The following LEPROTL1 variants were observed in gnomAD, a reference collection of about 807,000 sequenced individuals.
LEPROTL1 encodes leptin receptor overlapping transcript-like 1.
Under a neutral mutation model 15.4 loss-of-function variants are expected in LEPROTL1, and 6 were observed. That is an observed-to-expected ratio of 0.39 (90% CI 0.21 to 0.77). LEPROTL1 has a LOEUF of 0.77. LEPROTL1 is among the 30% of genes least tolerant of loss of function. The pLI is 0.41. For missense variants in LEPROTL1, 128 were observed against 158.1 expected, an observed-to-expected ratio of 0.81 and a Z score of 1.02; for synonymous variants, 56 against 52.6, an observed-to-expected ratio of 1.06 and a Z score of -0.28.
At position 30,104,519 on chromosome 8, in the gene LEPROTL1, A is replaced by T. The variant is rs747219376; in HGVS notation, c.279+33A>T. 2.4e-5 allele frequency: 34 copies of T among 1,435,020 alleles called. 1 individual carries two copies. In the South Asian group the frequency reaches 4.4e-4, roughly 19 times the overall value. 88.9% of individuals were successfully genotyped at this position (1,435,020 alleles called of 1,614,324 possible). On this transcript the variant is annotated intron_variant, in intron 3 of 3. Transcript: ENST00000321250. ...AATATATTCTTCCATTAATGATTTTATATTGAACATGTGTTACATTTTTCT... is the reference window on the plus strand; with the variant it reads ...AATATATTCTTCCATTAATGATTTTTTATTGAACATGTGTTACATTTTTCT...
intron 3 of LEPROTL1, among the ~76,000 whole-genome samples, chr8:30,121,036 C>T (rs970036798): frequency 2.6e-5 from 4 of 152,168 alleles, no homozygotes; most frequent in African/African-American, 9.6e-5. Context: ...AGTCTGACTC[C>T]TCTAGGTACC....
intron 3 of LEPROTL1, among the ~76,000 whole-genome samples, chr8:30,119,930 G>A (rs1802801900): frequency 6.6e-6 from 1 of 152,230 alleles, no homozygotes; most frequent in South Asian, 2.1e-4. Flanking sequence ...CTAGCAGAGC[G>A]TGGTGGCGTA....
At chr8:30,129,711 T>TCCCA in intron 3 of LEPROTL1, among the ~76,000 whole-genome samples, 1 of 128,300 alleles carries the variant, frequency 7.8e-6, no homozygotes. Flanking sequence ...TGAGACCCTG[T>TCCCA]CACACACACA....
At position 30,107,449 on chromosome 8, in the gene LEPROTL1, C is replaced by T. The variant is rs1995947; in HGVS notation, c.*1587C>T. The T allele has an allele frequency of 5.8e-3, 5,748 of 985,784 alleles. 211 individuals carry two copies. In the East Asian group the frequency reaches 0.14, roughly 24 times the overall value. 61.1% of individuals were successfully genotyped at this position (985,784 alleles called of 1,614,324 possible). ...AGCCAAAACTCAGTAATCATGACAG[C>T]TGTCTGTTGTTTTATGAAGTTTATT... On this transcript the variant is annotated 3_prime_UTR_variant, in exon 4 of 4. Coordinates refer to ENST00000321250, the MANE Select transcript of LEPROTL1 (RefSeq NM_015344.3).
At chr8:30,124,929 G>A (rs1246146281) in intron 3 of LEPROTL1, among the ~76,000 whole-genome samples, 2 of 152,128 alleles carry the variant, frequency 1.3e-5, no homozygotes, top group Non-Finnish European at 2.9e-5. Context: ...GCAAAGTTGT[G>A]GAAAGCATTC....
chr8:30,118,405 C>T (rs1217492646), intron 3 of LEPROTL1, among the ~76,000 whole-genome samples: 7 of 152,150 alleles, frequency 4.6e-5, no homozygotes, highest in Non-Finnish European at 8.8e-5. Context: ...TTTGCCAGGG[C>T]TGCAATAATA....
intron 3 of LEPROTL1, among the ~76,000 whole-genome samples, chr8:30,130,924 C>T (rs539622744): frequency 1.3e-4 from 19 of 151,518 alleles, no homozygotes; most frequent in Non-Finnish European, 2.1e-4. Flanking sequence ...GGACTATAGG[C>T]GCCCACCACC....
intron 3 of LEPROTL1, among the ~76,000 whole-genome samples, chr8:30,120,943 C>A (rs542170556): frequency 1.3e-5 from 2 of 152,296 alleles, no homozygotes; most frequent in East Asian, 1.9e-4. Flanking sequence ...ATCTCTAGAA[C>A]TTTTTCATCT....
rs1312716651 is a variant in LEPROTL1 at position 30,104,242 on chromosome 8, TTTGTGTGTAGGAAAATG to T, written c.93-57_93-41del. 54 of 1,046,834 alleles carry T rather than the reference TTTGTGTGTAGGAAAATG, an allele frequency of 5.2e-5. No individual in the cohort carries two copies. The African/African-American group carries it at 8.2e-4, about 16-fold the overall frequency. 64.8% of individuals were successfully genotyped at this position (1,046,834 alleles called of 1,614,324 possible). A position where few individuals can be genotyped will look rare whatever the true frequency, so the allele number is the denominator to read the frequency against. ...TCTTGATTTTTTAAAAAGACCATATTTTGTGTGTAGGAAAATGACATAGCAAAAATTACATTAACTTA... is the reference window on the plus strand; with the variant it reads ...TCTTGATTTTTTAAAAAGACCATATTACATAGCAAAAATTACATTAACTTA... On this transcript the variant is annotated intron_variant, in intron 2 of 3. Coordinates refer to ENST00000321250, the MANE Select transcript of LEPROTL1 (RefSeq NM_015344.3).
chr8:30,105,801 C>G lies in LEPROTL1; in HGVS notation c.335C>G (p.Thr112Ser). The G allele has an allele frequency of 6.3e-7, 1 of 1,581,536 alleles. No individual in the cohort carries two copies. The highest frequency in any genetic ancestry group is 8.6e-7 in the Non-Finnish European group (1 of 1,164,886). Reference sequence around the variant, plus strand: ...ACAGGAAACACAGTCATCTTTGCAACTATACTAGGCTTTTTCTTGGTCTTT... The same window carrying G: ...ACAGGAAACACAGTCATCTTTGCAAGTATACTAGGCTTTTTCTTGGTCTTT... ...VLTGNTVIFA[T>S]ILGFFLVFGS... The change falls in exon 4 of 4, where the codon ACT (threonine) becomes AGT (serine). Residue 112 changes from threonine (T) to serine (S), a missense_variant. Physicochemically the swap from Thr to Ser is moderately conservative, Grantham distance 58. Coordinates refer to ENST00000321250, the MANE Select transcript of LEPROTL1 (RefSeq NM_015344.3).
intron 2 of LEPROTL1, among the ~76,000 whole-genome samples, chr8:30,103,574 C>G (rs1181022440): frequency 6.6e-6 from 1 of 151,988 alleles, no homozygotes; most frequent in South Asian, 2.1e-4. Flanking sequence ...AACTCCATCT[C>G]CACTAAAAAT....
At chr8:30,096,817 T>C (rs758880844) in intron 1 of LEPROTL1, among the ~76,000 whole-genome samples, 1 of 152,252 alleles carries the variant, frequency 6.6e-6, no homozygotes, top group Non-Finnish European at 1.5e-5. Context: ...ACTTTTGATT[T>C]CAGCAGGATT....
intron 2 of LEPROTL1, among the ~76,000 whole-genome samples, chr8:30,103,660 T>G (rs1802507399): frequency 6.6e-6 from 1 of 151,196 alleles, no homozygotes; most frequent in East Asian, 1.9e-4. Flanking sequence ...GAGAGTCACT[T>G]GAACCCAGGA....
At chr8:30,122,651 C>T (rs1292683693) in intron 3 of LEPROTL1, among the ~76,000 whole-genome samples, 1 of 151,962 alleles carries the variant, frequency 6.6e-6, no homozygotes, top group Non-Finnish European at 1.5e-5. Context: ...AAAATTTAGC[C>T]AGGTGTGGTG....
intron 2 of LEPROTL1, among the ~76,000 whole-genome samples, chr8:30,102,418 AGGC>A (rs1194715074): frequency 6.6e-6 from 1 of 152,166 alleles, no homozygotes; most frequent in Non-Finnish European, 1.5e-5. Context: ...TGGGAGACCA[AGGC>A]GGGAGGATTG....
At chr8:30,097,074 C>T (rs746116215) in intron 1 of LEPROTL1, among the ~76,000 whole-genome samples, 1 of 152,198 alleles carries the variant, frequency 6.6e-6, no homozygotes, top group Non-Finnish European at 1.5e-5. Flanking sequence ...TGGGCTGCTC[C>T]ATGCCTAGCC....
chr8:30,113,902 G>GT, intron 3 of LEPROTL1, among the ~76,000 whole-genome samples: 1 of 152,168 alleles, frequency 6.6e-6, no homozygotes, highest in Non-Finnish European at 1.5e-5. Context: ...CCGAAGCTCC[G>GT]TTTTTACAGT....
At chr8:30,112,110 T>A (rs964120724), downstream of LEPROTL1, among the ~76,000 whole-genome samples, 2 of 152,190 alleles carry the variant, frequency 1.3e-5, no homozygotes, top group Non-Finnish European at 2.9e-5. Context: ...AAATCAAGGT[T>A]CTGGAACACA....
intron 3 of LEPROTL1, among the ~76,000 whole-genome samples, chr8:30,131,497 G>T (rs553845027): frequency 6.6e-6 from 1 of 151,880 alleles, no homozygotes; most frequent in Admixed American, 6.6e-5. Flanking sequence ...CCTAATAATG[G>T]ATATAAGTCT....
Sources: allele counts gnomAD v4.1 joint callset (sites outside exome capture counted in the v4.1 genomes callset), GRCh38; gene constraint gnomAD v4.1.1; transcripts MANE v1.5; gene names NCBI Gene and HGNC (gene_info 2026-07-23, HGNC 2026-07-21).